Variants in CFHR4 observed in about 807,000 individuals in gnomAD.
CFHR4 encodes complement factor H related 4, also known as complement factor H-related protein 4.
Under a neutral mutation model 69.3 loss-of-function variants are expected in CFHR4, and 64 were observed. The observed-to-expected ratio is 0.92, with a 90% CI of 0.76 to 1.14. The LOEUF (loss-of-function observed/expected upper bound fraction) is 1.14, where lower values mean the gene tolerates loss of function less well. Among genes scored for constraint, CFHR4 ranks in the 50% most tolerant of loss-of-function variants. The pLI, the probability that CFHR4 is intolerant of heterozygous loss-of-function variation, is 0.00. For missense variants in CFHR4, 636 were observed against 684.9 expected, an observed-to-expected ratio of 0.93 and a Z score of 0.80; for synonymous variants, 244 against 237.0, an observed-to-expected ratio of 1.03 and a Z score of -0.27.
In CFHR4 at chr1:196,918,410, A is replaced by G; in HGVS notation, c.*4A>G. 1 of 1,609,682 alleles carries G rather than the reference A, an allele frequency of 6.2e-7. No homozygotes were observed. The highest frequency in any genetic ancestry group is 1.1e-5 in the South Asian group (1 of 90,990). Reference sequence around the variant, plus strand: ...GGAATACCCCAGATGCGAATAAGGCAGCATTGTTACCCTAAATGTATGTCC... The same window carrying G: ...GGAATACCCCAGATGCGAATAAGGCGGCATTGTTACCCTAAATGTATGTCC... On this transcript the variant is annotated 3_prime_UTR_variant, in exon 10 of 10. Coordinates refer to ENST00000608469, the MANE Select transcript of CFHR4 (RefSeq NM_001201550.3).
At chr1:196,893,274 G>A (rs1222582974) in intron 1 of CFHR4, among the ~76,000 whole-genome samples, 4 of 151,728 alleles carry the variant, frequency 2.6e-5, no homozygotes, top group African/African-American at 9.7e-5. Flanking sequence ...AAACACTTAC[G>A]AAGGGGAGCA....
At chr1:196,892,132 T>C (rs1048246380) in intron 1 of CFHR4, among the ~76,000 whole-genome samples, 1 of 151,588 alleles carries the variant, frequency 6.6e-6, no homozygotes, top group African/African-American at 2.4e-5. Context: ...TTAACGCTGA[T>C]AAAATTTCCA....
rs938295282 is a variant in CFHR4, at chr1:196,897,049, G to A, written c.59-5369G>A. On this transcript the variant is annotated intron_variant, in intron 1 of 9. Transcript: ENST00000608469. ...CACTACTAGCTCCCTCCATTGAGTC[G>A]TTCTGAGAAGAAAAGGCAGGGCTCT... Among the ~76,000 whole-genome samples the A allele has an allele frequency of 2.0e-5, 3 of 151,398 alleles. 1 individual carries two copies. Among genetic ancestry groups the A allele is most frequent in the Admixed American group, 6.6e-5 (1 of 15,196 alleles).
chr1:196,904,268 A>T (rs1657779479), intron 2 of CFHR4, among the ~76,000 whole-genome samples: 1 of 151,662 alleles, frequency 6.6e-6, no homozygotes, highest in Non-Finnish European at 1.5e-5. Flanking sequence ...GGAGGAGATT[A>T]ATCGAAAAGT....
intron 3 of CFHR4, among the ~76,000 whole-genome samples, 187 bp from the exon 4 acceptor site, chr1:196,906,674 A>T (rs1657921118): frequency 6.6e-6 from 1 of 151,436 alleles, no homozygotes; most frequent in African/African-American, 2.4e-5. Context: ...TTATAGGGAA[A>T]TGTATTTTTC....
Position 196,918,221 on chromosome 1 carries a change from A to G in CFHR4, c.1552A>G (p.Ile518Val), listed in dbSNP as rs769613582. The part of the protein sequence containing the change: ...EPPRCIHPCI[I>V]TEENMNKNNI... The stretch of plus-strand genomic sequence containing the variant: ...TTTTCTGCTTTCAGATCCATGTATA[A>G]TAACTGAAGAAAACATGAATAAAAA... Residue 518 changes from isoleucine (I) to valine (V), a missense_variant, in exon 10 of 10, where the codon ATA becomes GTA. Transcript: ENST00000608469. 2 of 1,604,144 alleles carry G rather than the reference A, an allele frequency of 1.2e-6. No individual in the cohort carries two copies. The highest frequency in any genetic ancestry group is 1.7e-5 in the Admixed American group (1 of 59,634).
intron 8 of CFHR4, 136 bp from the exon 9 acceptor site, chr1:196,914,820 A>G: frequency 6.6e-7 from 1 of 1,507,782 alleles, no homozygotes; most frequent in African/African-American, 1.4e-5. Context: ...TAAAAAAAAA[A>G]AAAACAACGT....
At chr1:196,902,278 AT>A (rs1657656945) in intron 1 of CFHR4, 139 bp from the exon 2 acceptor site, 1 of 634,670 alleles carries the variant, frequency 1.6e-6, no homozygotes, top group Non-Finnish European at 2.7e-6. Context: ...AGGTCATTGG[AT>A]TTCTGTAACT....
intron 6 of CFHR4, among the ~76,000 whole-genome samples, chr1:196,912,147 T>C (rs1658307993): frequency 6.6e-6 from 1 of 151,334 alleles, no homozygotes. Flanking sequence ...AACAAATACA[T>C]TGCTAATATA....
At chr1:196,890,842 C>T (rs1656987418) in intron 1 of CFHR4, among the ~76,000 whole-genome samples, 1 of 151,614 alleles carries the variant, frequency 6.6e-6, no homozygotes. Flanking sequence ...TTTCCTACTA[C>T]ACACCCAGTT....
intron 7 of CFHR4, among the ~76,000 whole-genome samples, chr1:196,913,566 T>A (rs1658402103): frequency 6.6e-6 from 1 of 151,452 alleles, no homozygotes; most frequent in South Asian, 2.1e-4. Context: ...CTTATTATGA[T>A]AAAGAGATTG....
chr1:196,900,891 C>A (rs769533300), intron 1 of CFHR4, among the ~76,000 whole-genome samples: 1 of 151,202 alleles, frequency 6.6e-6, no homozygotes, highest in Non-Finnish European at 1.5e-5. Context: ...TGGATATAGG[C>A]CAAGAAACTA....
chr1:196,903,172 C>T (rs767301743), intron 2 of CFHR4, among the ~76,000 whole-genome samples: 11 of 151,274 alleles, frequency 7.3e-5, no homozygotes, highest in Admixed American at 2.0e-4. Flanking sequence ...CCAGTATGTC[C>T]GTAACTGTCT....
Position 196,916,209 on chromosome 1 carries a change from A to G in CFHR4, c.1540+1071A>G, listed in dbSNP as rs185254274. Among the ~76,000 whole-genome samples the G allele has an allele frequency of 3.4e-3, 508 of 151,616 alleles. 8 individuals are homozygous for G. Among genetic ancestry groups the G allele is most frequent in the Non-Finnish European group, 5.5e-3 (374 of 67,968 alleles). ...TTGAAGCAACACAATTCAAAAAAAT[A>G]TAAGCCACAATAATTATGGCAACAA... On this transcript the variant is annotated intron_variant, in intron 9 of 9. Transcript: ENST00000608469.
chr1:196,907,110 A>G lies in CFHR4; in HGVS notation c.616+73A>G, dbSNP rs566735089. ...GAAACATACATATGTATATGTACACATATGTGTATGAATACATATGTGTAC... is the reference window on the plus strand; with the variant it reads ...GAAACATACATATGTATATGTACACGTATGTGTATGAATACATATGTGTAC... On this transcript the variant is annotated intron_variant, in intron 4 of 9. Transcript: ENST00000608469. 4 of 1,375,676 alleles carry G rather than the reference A, an allele frequency of 2.9e-6. No homozygotes were observed. In the African/African-American group the frequency reaches 6.0e-5, roughly 20 times the overall value. The allele number at this position is 1,375,676 out of a possible 1,614,324, so 85.2% of individuals were successfully genotyped here.
intron 5 of CFHR4, among the ~76,000 whole-genome samples, chr1:196,909,038 G>A (rs1658088343): frequency 6.6e-6 from 1 of 151,402 alleles, no homozygotes; most frequent in Admixed American, 6.6e-5. Context: ...GACTGCAGAG[G>A]AAAATTCGTA....
At chr1:196,905,035 T>C in intron 2 of CFHR4, 73 bp from the exon 3 acceptor site, 1 of 1,323,128 alleles carries the variant, frequency 7.6e-7, no homozygotes, top group South Asian at 1.5e-5. Flanking sequence ...TACTGCCATG[T>C]TTTTACTTGT....
At chr1:196,891,755 T>C (rs1657052395) in intron 1 of CFHR4, among the ~76,000 whole-genome samples, 1 of 151,448 alleles carries the variant, frequency 6.6e-6, no homozygotes, top group African/African-American at 2.4e-5. Flanking sequence ...TTATTTGCTA[T>C]TTAAATTGTG....
At chr1:196,908,049 A>C (rs1658013019) in intron 5 of CFHR4, among the ~76,000 whole-genome samples, 1 of 151,542 alleles carries the variant, frequency 6.6e-6, no homozygotes, top group African/African-American at 2.4e-5. Flanking sequence ...TCAGCAAACT[A>C]TCACAAGAAC....
Sources: gnomAD v4.1 joint callset for allele counts (sites outside exome capture counted in the v4.1 genomes callset) on GRCh38, gnomAD v4.1.1 for gene constraint, MANE v1.5 for transcripts, NCBI Gene and HGNC (gene_info 2026-07-23, HGNC 2026-07-21) for gene names.